The following PCDH7 variants were observed in gnomAD, a reference collection of about 807,000 sequenced individuals.
PCDH7 encodes the protein protocadherin-7.
PCDH7 carries 17 observed loss-of-function variants against 58.9 expected under a neutral mutation model. The ratio of observed to expected loss-of-function variants is 0.29; its 90% confidence interval spans 0.20 to 0.43. The LOEUF is 0.43. PCDH7 is among the 20% of genes least tolerant of loss of function. The pLI, the probability that PCDH7 is intolerant of heterozygous loss-of-function variation, is 1.00. For synonymous variants in PCDH7, 664 were observed against 616.4 expected, an observed-to-expected ratio of 1.08 and a Z score of -1.14; for missense variants, 1,274 against 1,441.0, an observed-to-expected ratio of 0.88 and a Z score of 1.88.
At chr4:30,976,301 G>A (rs1750065776) in intron 3 of PCDH7, among the ~76,000 whole-genome samples, 1 of 151,968 alleles carries the variant, frequency 6.6e-6, no homozygotes, top group Non-Finnish European at 1.5e-5. Flanking sequence ...ATGTTGGTCA[G>A]GCTGGTCTTG....
intron 1 of PCDH7, among the ~76,000 whole-genome samples, chr4:30,874,436 A>G (rs1736020571): frequency 6.6e-6 from 1 of 152,054 alleles, no homozygotes; most frequent in East Asian, 1.9e-4. Flanking sequence ...AAACTATTGC[A>G]AGGACAAAAA....
intron 1 of PCDH7, among the ~76,000 whole-genome samples, chr4:30,853,988 A>T (rs888828213): frequency 6.6e-6 from 1 of 152,060 alleles, no homozygotes; most frequent in Non-Finnish European, 1.5e-5. Flanking sequence ...ATGAAATGTG[A>T]TGATAGTAAA....
intron 3 of PCDH7, among the ~76,000 whole-genome samples, chr4:31,119,315 A>T (rs919597386): frequency 2.0e-5 from 3 of 152,176 alleles, no homozygotes; most frequent in African/African-American, 7.2e-5. Context: ...AATTGAGCGC[A>T]GATCAATCTG....
chr4:30,862,474 ACT>A (rs1171884785), intron 1 of PCDH7, among the ~76,000 whole-genome samples: 1 of 152,152 alleles, frequency 6.6e-6, no homozygotes, highest in Non-Finnish European at 1.5e-5. Context: ...TGTTCCAATG[ACT>A]TGGCTATTGT....
chr4:31,028,259 C>T (rs1388652648), intron 3 of PCDH7, among the ~76,000 whole-genome samples: 1 of 151,804 alleles, frequency 6.6e-6, no homozygotes, highest in Non-Finnish European at 1.5e-5. Flanking sequence ...TAAGAATGTT[C>T]TTTTATTTAA....
chr4:30,953,679 TTAAA>T (rs1005832730), intron 3 of PCDH7, among the ~76,000 whole-genome samples: 10 of 152,142 alleles, frequency 6.6e-5, no homozygotes, highest in Non-Finnish European at 2.9e-5. Flanking sequence ...TGAGTATGTG[TTAAA>T]TAATTAATTT....
chr4:30,923,118 A>G (rs1743397684), intron 2 of PCDH7, among the ~76,000 whole-genome samples: 1 of 152,148 alleles, frequency 6.6e-6, no homozygotes, highest in African/African-American at 2.4e-5. Flanking sequence ...TTAAAATACC[A>G]TTTTGGATGC....
chr4:30,868,976 A>T (rs912459516), intron 1 of PCDH7: 1 of 152,130 alleles, frequency 6.6e-6, no homozygotes, highest in African/African-American at 2.4e-5. Flanking sequence ...AAAATATACT[A>T]TGTCAAAAGA....
At chr4:30,963,512 C>T (rs1435571088) in intron 3 of PCDH7, among the ~76,000 whole-genome samples, 2 of 152,076 alleles carry the variant, frequency 1.3e-5, no homozygotes, top group African/African-American at 2.4e-5. Flanking sequence ...CTACAGAATA[C>T]CTCCTTTGTG....
intron 1 of PCDH7, among the ~76,000 whole-genome samples, chr4:30,800,439 C>T (rs2109305787): frequency 6.6e-6 from 1 of 152,044 alleles, no homozygotes; most frequent in African/African-American, 2.4e-5. Flanking sequence ...GCTATAATTA[C>T]TCAATAATAA....
rs1378113045 is a variant in PCDH7, at chr4:30,720,452, G to A, written c.-971G>A. 6.5e-6 allele frequency: 1 copy of A among 152,846 alleles called. No individual in the cohort carries two copies. The highest frequency in any genetic ancestry group is 1.9e-4 in the East Asian group (1 of 5,158). 9.5% of individuals were successfully genotyped at this position (152,846 alleles called of 1,614,324 possible). On this transcript the variant is annotated 5_prime_UTR_variant, in exon 1 of 2. Coordinates refer to ENST00000361762, the Ensembl canonical transcript of PCDH7. The surrounding 1 kb of genome is among the most constrained non-coding windows in gnomAD (Gnocchi z 4.7). ...GAAAAGGCACGGACTCTGCGGCTGCGAACCCAAACTTGGGCACCGCACGGT... is the reference window on the plus strand; with the variant it reads ...GAAAAGGCACGGACTCTGCGGCTGCAAACCCAAACTTGGGCACCGCACGGT...
At chr4:30,974,049 G>A (rs1360943740) in intron 3 of PCDH7, among the ~76,000 whole-genome samples, 1 of 150,714 alleles carries the variant, frequency 6.6e-6, no homozygotes, top group Non-Finnish European at 1.5e-5. Flanking sequence ...ATCTTCTCTA[G>A]GAAAAAAAAA....
chr4:31,113,641 T>G (rs1297277635), intron 3 of PCDH7, among the ~76,000 whole-genome samples: 4 of 152,116 alleles, frequency 2.6e-5, no homozygotes, highest in African/African-American at 9.7e-5. Flanking sequence ...TATTTTAATT[T>G]GTGTAGTTTC....
intron 3 of PCDH7, among the ~76,000 whole-genome samples, chr4:31,055,082 G>A (rs1757043643): frequency 1.3e-5 from 2 of 152,006 alleles, no homozygotes; most frequent in Admixed American, 1.3e-4. Flanking sequence ...TTTCATCGTA[G>A]CAAATAAGGA....
chr4:30,851,510 C>T (rs1161213607), intron 1 of PCDH7, among the ~76,000 whole-genome samples: 3 of 151,728 alleles, frequency 2.0e-5, no homozygotes, highest in Non-Finnish European at 2.9e-5. Flanking sequence ...GCAGGAAAGG[C>T]AAATGGGCTT....
intron 1 of PCDH7, among the ~76,000 whole-genome samples, chr4:30,753,760 A>G (rs35428738): frequency 0.55 from 83,024 of 152,064 alleles, 23,393 homozygotes; most frequent in African/African-American, 0.68. Flanking sequence ...TTACATATGC[A>G]GTGCATTTTA....
chr4:30,979,325 C>CAA (rs80272564), intron 3 of PCDH7, among the ~76,000 whole-genome samples: 13 of 96,624 alleles, frequency 1.3e-4, no homozygotes, highest in Non-Finnish European at 1.9e-4. Context: ...AACTCTGTCT[C>CAA]AAAAAAAAAA....
intron 1 of PCDH7, among the ~76,000 whole-genome samples, chr4:30,786,178 G>T (rs1723365377): frequency 6.6e-6 from 1 of 152,052 alleles, no homozygotes; most frequent in African/African-American, 2.4e-5. Flanking sequence ...CAGGCCATTT[G>T]TTGATAGCAT....
chr4:31,029,879 CTCTGTGGGT>C (rs1754752799), intron 3 of PCDH7, among the ~76,000 whole-genome samples: 1 of 152,032 alleles, frequency 6.6e-6, no homozygotes, highest in African/African-American at 2.4e-5. Context: ...ACCTTGGCAA[CTCTGTGGGT>C]TCTGAGCATA....
Sources: allele counts gnomAD v4.1 joint callset (sites outside exome capture counted in the v4.1 genomes callset), GRCh38; gene constraint gnomAD v4.1.1; non-coding constraint Gnocchi (gnomAD v3.1); transcripts MANE v1.5; gene names NCBI Gene and HGNC (gene_info 2026-07-23, HGNC 2026-07-21).